The following ZSCAN10 variants were observed in gnomAD, a reference collection of about 807,000 sequenced individuals.
The protein encoded by ZSCAN10 is zinc finger and SCAN domain-containing protein 10.
ZSCAN10 carries 52 observed loss-of-function variants against 63.7 expected under a neutral mutation model. The observed-to-expected ratio is 0.82, with a 90% confidence interval of 0.65 to 1.03. The LOEUF (loss-of-function observed/expected upper bound fraction) is 1.03. Among genes scored for constraint, ZSCAN10 ranks in the 50% least tolerant of loss-of-function variants. The pLI, the probability that ZSCAN10 is intolerant of heterozygous loss-of-function variation, is 0.00. For missense variants in ZSCAN10, 1,223 were observed against 1,103.8 expected (o/e 1.11, Z -1.53); for synonymous variants, 544 against 479.6 (o/e 1.13, Z -1.76).
Position 3,090,183 on chromosome 16 carries a change from C to G in ZSCAN10, c.1251G>C (p.Ser417=). The G allele has an allele frequency of 6.2e-7, 1 of 1,604,748 alleles. No individual in the cohort carries two copies. Residue 417 remains serine, a synonymous_variant, in exon 6 of 6, where the codon TCG becomes TCC. Transcript: ENST00000576985. ...HLCGHRFRQS[S]HLSKHLLTHS... is the part of the protein sequence containing the mutation. ...GGGTCAGCAGGTGCTTGCTCAGGTG[C>G]GAGCTCTGGCGGAAGCGGTGGCCGC...
At chr16:3,097,635 C>A (rs1157630457) in intron 1 of ZSCAN10, among the ~76,000 whole-genome samples, 1 of 152,192 alleles carries the variant, frequency 6.6e-6, no homozygotes, top group Non-Finnish European at 1.5e-5. Context: ...CCACTCCAGG[C>A]AGCCCCCATC....
rs756470646 is a variant in ZSCAN10 at position 3,089,745 on chromosome 16, C to T, written c.1689G>A (p.Ser563=). 11 of 1,601,014 alleles carry T rather than the reference C, an allele frequency of 6.9e-6. No homozygotes were observed. In the Admixed American group the frequency reaches 1.7e-4, roughly 24 times the overall value. The change falls in exon 6 of 6, where the codon TCG becomes TCA. Residue 563 remains serine, a synonymous_variant. Coordinates refer to ENST00000576985, the MANE Select transcript of ZSCAN10 (RefSeq NM_032805.3). ...GCACCCGTTGGTGGCTGACCAGCTG[C>T]GAGCTCTGCGTGAAGCTGCGGCCGC... The part of the protein sequence containing the change: ...QACGRSFTQS[S]QLVSHQRVHT...
chr16:3,090,597 G>C lies in ZSCAN10; in HGVS notation c.837C>G (p.Pro279=). ...PDKEEFKQEE[P]KGAAWPTPIL... is the part of the protein sequence containing the mutation. ...TGGGAGTGGGCCAGGCAGCCCCTTT[G>C]GGCTCTTCTTGTTTAAATTCCTCCT... Residue 279 remains proline, a synonymous_variant, in exon 6 of 6, where the codon CCC becomes CCG. Transcript: ENST00000576985. 6.4e-7 allele frequency: 1 copy of C among 1,559,932 alleles called. No individual in the cohort carries two copies. The highest frequency in any genetic ancestry group is 1.2e-5 in the South Asian group (1 of 85,464).
Position 3,089,515 on chromosome 16 carries a change from C to A in ZSCAN10, c.1919G>T (p.Gly640Val). The change falls in exon 6 of 6, where the codon GGT becomes GTT. Residue 640 changes from glycine (G) to valine (V), a missense_variant. Coordinates refer to ENST00000576985, the MANE Select transcript of ZSCAN10 (RefSeq NM_032805.3). ...GTGGGCGCTCTGGCTGAAGCCCTCACCGCACTCGCTGCAGCGGCAGGGCTT... is the reference window on the plus strand; with the variant it reads ...GTGGGCGCTCTGGCTGAAGCCCTCAACGCACTCGCTGCAGCGGCAGGGCTT... ...GEKPCRCSEC[G>V]EGFSQSAHLA... is the part of the protein sequence containing the mutation. 2 of 1,603,186 alleles carry A rather than the reference C, an allele frequency of 1.2e-6. No homozygotes were observed. Among genetic ancestry groups the A allele is most frequent in the South Asian group, 2.2e-5 (2 of 90,276 alleles).
intron 1 of ZSCAN10, among the ~76,000 whole-genome samples, chr16:3,095,969 C>T (rs906109120): frequency 2.0e-5 from 3 of 152,106 alleles, no homozygotes; most frequent in African/African-American, 4.8e-5. Flanking sequence ...ACATTGCACT[C>T]CAGCCTAGGC....
intron 1 of ZSCAN10, 103 bp from the exon 2 acceptor site, chr16:3,093,107 T>C (rs1359998536): frequency 2.3e-6 from 2 of 882,582 alleles, no homozygotes; most frequent in Non-Finnish European, 1.5e-6. Flanking sequence ...CCCAGAGGAA[T>C]CGCTTTTCTC....
rs750416819 is a variant in ZSCAN10, at chr16:3,089,536, G to A, written c.1898C>T (p.Pro633Leu). The stretch of plus-strand genomic sequence containing the variant: ...CTCACCGCACTCGCTGCAGCGGCAG[G>A]GCTTCTCGCCCGTGTGGCTGCGCTG... The part of the protein sequence containing the change: ...RHQRSHTGEK[P>L]CRCSECGEGF... Residue 633 changes from proline to leucine, a missense_variant, in exon 6 of 6, where the codon CCC becomes CTC. Coordinates refer to ENST00000576985, the MANE Select transcript of ZSCAN10 (RefSeq NM_032805.3). 2 of 1,602,772 alleles carry A rather than the reference G, an allele frequency of 1.2e-6. No homozygotes were observed. Among genetic ancestry groups the A allele is most frequent in the Non-Finnish European group, 8.5e-7 (1 of 1,175,442 alleles).
chr16:3,097,319 C>A (rs1427258754), intron 1 of ZSCAN10, among the ~76,000 whole-genome samples: 7 of 152,042 alleles, frequency 4.6e-5, no homozygotes, highest in Non-Finnish European at 1.0e-4. Context: ...TCCCAACCTC[C>A]CTGCAACACA....
Position 3,089,419 on chromosome 16 carries a change from C to A in ZSCAN10, c.2015G>T (p.Arg672Leu), listed in dbSNP as rs762381484. The change falls in exon 6 of 6, where the codon CGC (arginine) becomes CTC (leucine). Residue 672 changes from arginine (R) to leucine (L), a missense_variant. Transcript: ENST00000576985. ...ATGGCGGGCCAGGTTGGAGCTATTG[C>A]GGAAACGGTGGCCGCAGGTGTCGCA... ...HACDTCGHRFRNSSNLARHRR... is the reference protein window; with the variant it reads ...HACDTCGHRFLNSSNLARHRR... 1.9e-6 allele frequency: 3 copies of A among 1,604,998 alleles called. No individual in the cohort carries two copies. Among genetic ancestry groups the A allele is most frequent in the Admixed American group, 1.7e-5 (1 of 59,678 alleles).
chr16:3,098,284 C>T (rs1488656119), intron 1 of ZSCAN10, among the ~76,000 whole-genome samples: 4 of 152,072 alleles, frequency 2.6e-5, no homozygotes, highest in Non-Finnish European at 5.9e-5. Flanking sequence ...TCACTTCTCC[C>T]TTTGCCAAGT....
At chr16:3,098,419 G>A (rs1488042925) in intron 1 of ZSCAN10, among the ~76,000 whole-genome samples, 1 of 152,100 alleles carries the variant, frequency 6.6e-6, no homozygotes, top group Non-Finnish European at 1.5e-5. Flanking sequence ...AAAAGGAACT[G>A]ATCTCCATCC....
chr16:3,089,681 T>G lies in ZSCAN10; in HGVS notation c.1753A>C (p.Lys585Gln), dbSNP rs767901507. Residue 585 changes from lysine (K) to glutamine (Q), a missense_variant, in exon 6 of 6, where the codon AAG (lysine) becomes CAG (glutamine). Transcript: ENST00000576985. The stretch of plus-strand genomic sequence containing the variant: ...AGGCTGGCCCGGCGCACAAAGCGCT[T>G]CCCGCACTGCGGACAGGCGTAGGGC... ...EKPYACPQCG[K>Q]RFVRRASLAR... 1 of 1,600,100 alleles carries G rather than the reference T, an allele frequency of 6.2e-7. No individual in the cohort carries two copies. The highest frequency in any genetic ancestry group is 1.7e-5 in the Admixed American group (1 of 58,828).
rs1195593327 is a variant in ZSCAN10 at position 3,089,557 on chromosome 16, C to A, written c.1877G>T (p.Arg626Leu). The A allele has an allele frequency of 1.9e-6, 3 of 1,598,500 alleles. No individual in the cohort carries two copies. Among genetic ancestry groups the A allele is most frequent in the Non-Finnish European group, 2.6e-6 (3 of 1,172,976 alleles). The change falls in exon 6 of 6, where the codon CGC becomes CTC. Residue 626 changes from arginine to leucine, a missense_variant. Coordinates refer to ENST00000576985, the MANE Select transcript of ZSCAN10 (RefSeq NM_032805.3). Reference sequence around the variant, plus strand: ...GCAGGGCTTCTCGCCCGTGTGGCTGCGCTGGTGGCGGGCCAGATCCTGGGT... The same window carrying A: ...GCAGGGCTTCTCGCCCGTGTGGCTGAGCTGGTGGCGGGCCAGATCCTGGGT... Reference protein sequence around the residue: ...GQTQDLARHQRSHTGEKPCRC... With the variant: ...GQTQDLARHQLSHTGEKPCRC...
At position 3,089,998 on chromosome 16, in the gene ZSCAN10, G is replaced by A; in HGVS notation, c.1436C>T (p.Ser479Phe). The A allele has an allele frequency of 6.4e-7, 1 of 1,561,278 alleles. No individual in the cohort carries two copies. The highest frequency in any genetic ancestry group is 8.6e-7 in the Non-Finnish European group (1 of 1,156,578). ...GCGCTGGAAGCTCTGGCCGCAGTGG[G>A]AGCACAGGACATCGGTCAGTGGCGG... ...EAPPLTDVLC[S>F]HCGQSFQRRS... Residue 479 changes from serine to phenylalanine, a missense_variant, in exon 6 of 6, where the codon TCC becomes TTC. Coordinates refer to ENST00000576985, the MANE Select transcript of ZSCAN10 (RefSeq NM_032805.3).
In ZSCAN10 at chr16:3,090,656, A is replaced by AG; in HGVS notation, c.788-11_788-10insC. ...GTTCTGCTTCCGAATCCTGGGAAAC[A>AG]AGACAAAACAGGGACGGTCAGGCCT... is the stretch of plus-strand genomic sequence containing the variant. On this transcript the variant is annotated splice_polypyrimidine_tract_variant and intron_variant, in intron 5 of 5. Coordinates refer to ENST00000576985, the MANE Select transcript of ZSCAN10 (RefSeq NM_032805.3). 1 of 1,523,506 alleles carries AG rather than the reference A, an allele frequency of 6.6e-7. No homozygotes were observed. Among genetic ancestry groups the AG allele is most frequent in the Non-Finnish European group, 8.8e-7 (1 of 1,137,694 alleles). The allele number at this position is 1,523,506 out of a possible 1,614,324, so 94.4% of individuals were successfully genotyped here. A position where few individuals can be genotyped will look rare whatever the true frequency, so the allele number is the denominator to read the frequency against.
chr16:3,092,442 TG>T lies in ZSCAN10; in HGVS notation c.396+99del, dbSNP rs147058839. The T allele has an allele frequency of 4.1e-3, 6,069 of 1,481,016 alleles. 226 individuals are homozygous for T. The African/African-American group carries it at 0.072, about 18-fold the overall frequency. 91.7% of individuals were successfully genotyped at this position (1,481,016 alleles called of 1,614,324 possible). A position where few individuals can be genotyped will look rare whatever the true frequency, so the allele number is the denominator to read the frequency against. ...GAGGAGTTAGGAGGTGAAGAAGGAATGGTCAGGTGGGGGAAAGTGAAGTTTC... is the reference window on the plus strand; with the variant it reads ...GAGGAGTTAGGAGGTGAAGAAGGAATGTCAGGTGGGGGAAAGTGAAGTTTC... On this transcript the variant is annotated intron_variant, in intron 2 of 5. Transcript: ENST00000576985.
chr16:3,093,771 C>T (rs972157995), intron 1 of ZSCAN10, among the ~76,000 whole-genome samples: 3 of 150,646 alleles, frequency 2.0e-5, no homozygotes, highest in Non-Finnish European at 3.0e-5. Context: ...GCCTCCACCT[C>T]CCAGGTTCAA....
In ZSCAN10 at chr16:3,092,895, G is replaced by T; in HGVS notation, c.43C>A (p.Leu15Met). The T allele has an allele frequency of 6.9e-7, 1 of 1,440,970 alleles. No homozygotes were observed. Among genetic ancestry groups the T allele is most frequent in the Non-Finnish European group, 9.1e-7 (1 of 1,095,938 alleles). 89.3% of individuals were successfully genotyped at this position (1,440,970 alleles called of 1,614,324 possible). Residue 15 changes from leucine to methionine, a missense_variant, in exon 2 of 6, where the codon CTG (leucine) becomes ATG (methionine). Transcript: ENST00000576985. ...SVPAAVEQEQ[L>M]GEVKLEEEEA... ...TCCTCCTCCAGCTTGACTTCCCCCA[G>T]CTGCTCCTGCTCCACGGCAGCTGGG...
chr16:3,089,372 G>T lies in ZSCAN10; in HGVS notation c.2062C>A (p.Arg688=), dbSNP rs756188222. The T allele has an allele frequency of 1.9e-6, 3 of 1,600,738 alleles. No individual in the cohort carries two copies. Among genetic ancestry groups the T allele is most frequent in the East Asian group, 2.2e-5 (1 of 44,726 alleles). The change falls in exon 6 of 6, where the codon CGG becomes AGG. Residue 688 remains arginine (R), a synonymous_variant. Transcript: ENST00000576985. ...CCGCACGTCTGACAGCTGTAGGGCCGCTCGCCCGTGTGGCTGCGGCGATGG... is the reference window on the plus strand; with the variant it reads ...CCGCACGTCTGACAGCTGTAGGGCCTCTCGCCCGTGTGGCTGCGGCGATGG... ...ARHRRSHTGE[R]PYSCQTCGRS...
Sources: allele counts gnomAD v4.1 joint callset (sites outside exome capture counted in the v4.1 genomes callset), GRCh38; gene constraint gnomAD v4.1.1; transcripts MANE v1.5; gene names NCBI Gene and HGNC (gene_info 2026-07-23, HGNC 2026-07-21).